The following ARID1B variants were observed in gnomAD, a reference collection of about 807,000 sequenced individuals.
ARID1B encodes AT-rich interaction domain 1B, also known as AT-rich interactive domain-containing protein 1B.
In ARID1B, 30 loss-of-function variants were observed where a neutral mutation model predicts 212.3. The observed-to-expected ratio is 0.14, with a 90% CI of 0.11 to 0.19. The LOEUF is 0.19. ARID1B is among the 10% of genes least tolerant of loss of function. The probability of loss-of-function intolerance (pLI) is 1.00; values close to 1 mark genes in which losing one functional copy is unlikely to be tolerated. For missense variants in ARID1B, 2,891 were observed against 3,204.0 expected (o/e 0.90, Z 2.36); for synonymous variants, 1,402 against 1,301.7 (o/e 1.08, Z -1.66).
intron 2 of ARID1B, among the ~76,000 whole-genome samples, chr6:156,877,255 T>C (rs1038184054): frequency 6.6e-6 from 1 of 152,232 alleles, no homozygotes. Flanking sequence ...GTGAGTCTGA[T>C]GGCATGACCC....
At chr6:156,998,551 A>G (rs976852086) in intron 4 of ARID1B, among the ~76,000 whole-genome samples, 3 of 152,160 alleles carry the variant, frequency 2.0e-5, no homozygotes, top group African/African-American at 7.2e-5. Context: ...AAGTTGAGAA[A>G]AGTTCCAAGA....
rs146558678 is a variant in ARID1B, at chr6:157,039,882, T to TCTTCCTTCCTTC, written c.2248-44755_2248-44744dup. Among the ~76,000 whole-genome samples, 572 of 67,248 alleles carry TCTTCCTTCCTTC rather than the reference T, an allele frequency of 8.5e-3. 9 individuals carry two copies. The highest frequency in any genetic ancestry group is 0.034 in the East Asian group (84 of 2,446). The allele number at this position is 67,248 out of a possible 152,430, so 44.1% of individuals were successfully genotyped here. A position where few individuals can be genotyped will look rare whatever the true frequency, so the allele number is the denominator to read the frequency against. On this transcript the variant is annotated intron_variant, in intron 4 of 19. Transcript: ENST00000636930. Reference sequence around the variant, plus strand: ...TTTCTCTCTCTTTCTCTTTCTTTTCTCTTCCTTCCTTCCTTCCTTCCTTCC... The same window carrying TCTTCCTTCCTTC: ...TTTCTCTCTCTTTCTCTTTCTTTTCTCTTCCTTCCTTCCTTCCTTCCTTCCTTCCTTCCTTCC...
intron 2 of ARID1B, among the ~76,000 whole-genome samples, chr6:156,850,468 T>A (rs551493048): frequency 1.3e-5 from 2 of 152,320 alleles, no homozygotes; most frequent in South Asian, 2.1e-4. Flanking sequence ...ATGCCACTTT[T>A]AAGACATAAG....
At chr6:157,149,835 G>GTTTTTAAA (rs1190464173) in intron 8 of ARID1B, 1 of 152,218 alleles carries the variant, frequency 6.6e-6, no homozygotes, top group African/African-American at 2.4e-5. Context: ...ATGTGTGTGC[G>GTTTTTAAA]TGTGTTTTTA....
intron 1 of ARID1B, among the ~76,000 whole-genome samples, chr6:156,814,581 C>G (rs559538274): frequency 1.3e-5 from 2 of 152,270 alleles, no homozygotes; most frequent in South Asian, 4.1e-4. Context: ...AACAAATTGG[C>G]TTGGCGTGGT....
In ARID1B at chr6:157,190,793, G is replaced by T. The variant is rs1018383125; in HGVS notation, c.4231+583G>T. ...AAAGATTGTGGTTGGTGGAAGACAG[G>T]AAAGTGAAAGGAAGAAAGGATACAG... On this transcript the variant is annotated intron_variant, in intron 15 of 19. Coordinates refer to ENST00000636930, the MANE Select transcript of ARID1B (RefSeq NM_001374828.1). The surrounding 1 kb of genome is among the most constrained non-coding windows in gnomAD (Gnocchi z 4.6). Among the ~76,000 whole-genome samples the T allele has an allele frequency of 2.0e-5, 3 of 152,168 alleles. No individual in the cohort carries two copies. The highest frequency in any genetic ancestry group is 7.2e-5 in the African/African-American group (3 of 41,446).
At chr6:156,904,380 CA>C (rs1172499385) in intron 3 of ARID1B, among the ~76,000 whole-genome samples, 11 of 152,084 alleles carry the variant, frequency 7.2e-5, no homozygotes, top group Non-Finnish European at 1.0e-4. Flanking sequence ...TATATTTAAC[CA>C]GTTCTTTTTG....
intron 4 of ARID1B, among the ~76,000 whole-genome samples, chr6:156,986,499 T>G (rs1777926063): frequency 6.6e-6 from 1 of 152,190 alleles, no homozygotes; most frequent in Non-Finnish European, 1.5e-5. Flanking sequence ...GGCCCTTGCG[T>G]TTGAATCTGG....
At chr6:156,806,326 C>T (rs546083609) in intron 1 of ARID1B, among the ~76,000 whole-genome samples, 21 of 152,310 alleles carry the variant, frequency 1.4e-4, no homozygotes, top group African/African-American at 3.8e-4. Flanking sequence ...CATGCCTTAC[C>T]GTGCCACTGA....
Position 157,174,748 on chromosome 6 carries a change from T to A in ARID1B, c.3346-99T>A, listed in dbSNP as rs1562323710. ...TATATATATATATATATAATATATA[T>A]AAAAAAATTAGTTTGTTAAAGTGGA... On this transcript the variant is annotated intron_variant, in intron 10 of 19. Coordinates refer to ENST00000636930, the MANE Select transcript of ARID1B (RefSeq NM_001374828.1). The A allele has an allele frequency of 7.5e-6, 3 of 401,794 alleles. No individual in the cohort carries two copies. In the South Asian group the frequency reaches 2.6e-4, roughly 34 times the overall value. 24.9% of individuals were successfully genotyped at this position (401,794 alleles called of 1,614,324 possible).
chr6:157,071,009 G>A (rs1035673704), intron 4 of ARID1B, among the ~76,000 whole-genome samples: 2 of 152,126 alleles, frequency 1.3e-5, no homozygotes, highest in African/African-American at 2.4e-5. Context: ...CGTGCAGCTC[G>A]GAGCAGATTG....
At chr6:157,077,123 T>A (rs1049705511) in intron 4 of ARID1B, among the ~76,000 whole-genome samples, 1 of 152,188 alleles carries the variant, frequency 6.6e-6, no homozygotes, top group African/African-American at 2.4e-5. Context: ...CTAGAAAACA[T>A]GTTGCTATTT....
chr6:157,138,312 T>C (rs1253648289), intron 7 of ARID1B, among the ~76,000 whole-genome samples: 3 of 152,184 alleles, frequency 2.0e-5, no homozygotes, highest in African/African-American at 7.2e-5. Context: ...CTTGACTCAC[T>C]GCAACCTCGA....
At position 157,110,639 on chromosome 6, in the gene ARID1B, A is replaced by T. The variant is rs564091736; in HGVS notation, c.2581+78A>T. The T allele has an allele frequency of 1.5e-5, 19 of 1,303,172 alleles. No homozygotes were observed. The African/African-American group carries it at 2.8e-4, about 19-fold the overall frequency. The allele number at this position is 1,303,172 out of a possible 1,614,324, so 80.7% of individuals were successfully genotyped here. Reference sequence around the variant, plus strand: ...CGTACGTGAGTTTGCTTACCTATGCACCTCCTTATCATTAATTTTTTTAAA... The same window carrying T: ...CGTACGTGAGTTTGCTTACCTATGCTCCTCCTTATCATTAATTTTTTTAAA... On this transcript the variant is annotated intron_variant, in intron 6 of 19. Coordinates refer to ENST00000636930, the MANE Select transcript of ARID1B (RefSeq NM_001374828.1).
chr6:156,864,563 T>A (rs1226146519), intron 2 of ARID1B, among the ~76,000 whole-genome samples: 2 of 152,248 alleles, frequency 1.3e-5, no homozygotes, highest in Non-Finnish European at 2.9e-5. Flanking sequence ...GTGCTGTCAG[T>A]AACAGTAGGT....
At chr6:157,028,739 A>T (rs973877164) in intron 4 of ARID1B, among the ~76,000 whole-genome samples, 1 of 152,160 alleles carries the variant, frequency 6.6e-6, no homozygotes, top group Non-Finnish European at 1.5e-5. Context: ...CAAGAAAATT[A>T]TTTATGGAAA....
intron 1 of ARID1B, among the ~76,000 whole-genome samples, chr6:156,805,237 A>G (rs1781073143): frequency 1.3e-5 from 2 of 152,176 alleles, no homozygotes; most frequent in Admixed American, 1.3e-4. Context: ...CTTAGGGAAA[A>G]TCTGGTGGAG....
chr6:157,022,659 A>G (rs1780392939), intron 4 of ARID1B: 1 of 152,218 alleles, frequency 6.6e-6, no homozygotes. Flanking sequence ...AGCGACGGCC[A>G]CTTTGGTTTT....
At chr6:157,117,099 A>G (rs1389116266) in intron 6 of ARID1B, among the ~76,000 whole-genome samples, 2 of 152,212 alleles carry the variant, frequency 1.3e-5, no homozygotes, top group South Asian at 2.1e-4. Context: ...ATCAGTAGCT[A>G]CATTTTTGCA....
Sources: allele counts gnomAD v4.1 joint callset (sites outside exome capture counted in the v4.1 genomes callset), GRCh38; gene constraint gnomAD v4.1.1; non-coding constraint Gnocchi (gnomAD v3.1); transcripts MANE v1.5; gene names NCBI Gene and HGNC (gene_info 2026-07-23, HGNC 2026-07-21).